CDH7: variants seen among roughly 807,000 people sequenced by gnomAD.
CDH7 encodes the protein cadherin 7.
In CDH7, 25 loss-of-function variants were observed where a neutral mutation model predicts 71.8. The ratio of observed to expected loss-of-function variants is 0.35; its 90% CI spans 0.25 to 0.49. CDH7 has a LOEUF of 0.49. Among genes scored for constraint, CDH7 ranks in the 20% least tolerant of loss-of-function variants. The probability of loss-of-function intolerance (pLI) is 0.99; values close to 1 mark genes in which losing one functional copy is unlikely to be tolerated. For missense variants in CDH7, 862 were observed against 974.6 expected, an observed-to-expected ratio of 0.88 and a Z score of 1.54; for synonymous variants, 381 against 363.8, an observed-to-expected ratio of 1.05 and a Z score of -0.54.
chr18:65,804,434 C>T (rs991906172), intron 2 of CDH7, among the ~76,000 whole-genome samples: 1 of 152,008 alleles, frequency 6.6e-6, no homozygotes, highest in Non-Finnish European at 1.5e-5. Context: ...TTGTTTTTAC[C>T]TTTATCTCTT....
chr18:65,849,411 TTTCTTTTC>T (rs1913064622), intron 7 of CDH7, among the ~76,000 whole-genome samples: 1 of 127,978 alleles, frequency 7.8e-6, no homozygotes, highest in South Asian at 2.3e-4. Flanking sequence ...TTTCTTTTCT[TTTCTTTTC>T]TTTTCTTTCT....
chr18:65,836,973 A>G (rs993053829), intron 6 of CDH7, among the ~76,000 whole-genome samples: 1 of 152,186 alleles, frequency 6.6e-6, no homozygotes, highest in Non-Finnish European at 1.5e-5. Context: ...TGCAGAGAAT[A>G]CACAGAGCTG....
chr18:65,752,497 G>T (rs1915911346), intron 1 of CDH7, among the ~76,000 whole-genome samples: 1 of 152,196 alleles, frequency 6.6e-6, no homozygotes, highest in African/African-American at 2.4e-5. Flanking sequence ...AACTCACCAA[G>T]AATTACTTCT....
chr18:65,797,595 C>G (rs1448420466), intron 2 of CDH7, among the ~76,000 whole-genome samples: 1 of 152,150 alleles, frequency 6.6e-6, no homozygotes, highest in Admixed American at 6.5e-5. Context: ...TTCTTTATAT[C>G]TGCTCTATTT....
intron 4 of CDH7, among the ~76,000 whole-genome samples, chr18:65,821,587 G>A (rs543158869): frequency 1.3e-5 from 2 of 152,254 alleles, no homozygotes; most frequent in South Asian, 2.1e-4. Flanking sequence ...TGTTGCAGAT[G>A]TATGTGTGTG....
Position 65,880,816 on chromosome 18 carries a change from C to T in CDH7, c.2280C>T (p.Asp760=). 1 of 1,614,106 alleles carries T rather than the reference C, an allele frequency of 6.2e-7. No homozygotes were observed. Among genetic ancestry groups the T allele is most frequent in the South Asian group, 1.1e-5 (1 of 91,078 alleles). Residue 760 remains aspartate, a synonymous_variant, in exon 12 of 12, where the codon GAC becomes GAT. Coordinates refer to ENST00000397968, the MANE Select transcript of CDH7 (RefSeq NM_004361.5). ...SISSNSDQNY[D]YLSDWGPRFK... Reference sequence around the variant, plus strand: ...GCTCAAACTCTGATCAGAACTATGACTACCTAAGTGACTGGGGACCTCGCT... The same window carrying T: ...GCTCAAACTCTGATCAGAACTATGATTACCTAAGTGACTGGGGACCTCGCT...
At chr18:65,840,476 C>A (rs759651370) in intron 6 of CDH7, among the ~76,000 whole-genome samples, 5 of 151,978 alleles carry the variant, frequency 3.3e-5, no homozygotes, top group Non-Finnish European at 7.4e-5. Context: ...TTGGCTGTGT[C>A]CCCACCCAAA....
chr18:65,864,125 A>G (rs1367957171), intron 11 of CDH7: 2 of 152,228 alleles, frequency 1.3e-5, no homozygotes, highest in African/African-American at 4.8e-5. Flanking sequence ...ATAGAACTTT[A>G]CACAGATGCA....
chr18:65,768,455 C>G (rs1232853595), intron 2 of CDH7, among the ~76,000 whole-genome samples: 3 of 152,054 alleles, frequency 2.0e-5, no homozygotes, highest in Non-Finnish European at 2.9e-5. Flanking sequence ...AGGCTGGTTT[C>G]GAACTCCTGA....
At chr18:65,805,128 CTAAAGGAGTTTA>C (rs1420365516) in intron 2 of CDH7, among the ~76,000 whole-genome samples, 2 of 151,914 alleles carry the variant, frequency 1.3e-5, no homozygotes, top group Non-Finnish European at 2.9e-5. Context: ...GAACTTAGTT[CTAAAGGAGTTTA>C]TAAATTAAAG....
At chr18:65,798,951 A>C (rs979829401) in intron 2 of CDH7, among the ~76,000 whole-genome samples, 1 of 152,048 alleles carries the variant, frequency 6.6e-6, no homozygotes, top group Admixed American at 6.6e-5. Context: ...CACTTGCTTC[A>C]TGTGGTAAGT....
intron 3 of CDH7, among the ~76,000 whole-genome samples, chr18:65,811,186 T>C (rs1390076130): frequency 7.8e-5 from 1 of 12,878 alleles, no homozygotes; most frequent in African/African-American, 1.0e-4. Flanking sequence ...ATGTGATTTA[T>C]TAAAAAAAAA....
In CDH7 at chr18:65,805,035, C is replaced by T. The variant is rs951435032; in HGVS notation, c.211-4669C>T. On this transcript the variant is annotated intron_variant, in intron 2 of 11. Transcript: ENST00000397968. ...GACAGAAATTGAAATAAAACAAATACTGCTGTTTTTCAAAGTGGATTATAA... is the reference window on the plus strand; with the variant it reads ...GACAGAAATTGAAATAAAACAAATATTGCTGTTTTTCAAAGTGGATTATAA... Among the ~76,000 whole-genome samples, 12 of 151,846 alleles carry T rather than the reference C, an allele frequency of 7.9e-5. No individual in the cohort carries two copies. The Middle Eastern group carries it at 0.01, about 130-fold the overall frequency.
chr18:65,881,220 G>A lies in CDH7; in HGVS notation c.*326G>A, dbSNP rs1914222426. 5.1e-6 allele frequency: 1 copy of A among 197,176 alleles called. No homozygotes were observed. The highest frequency in any genetic ancestry group is 2.3e-5 in the African/African-American group (1 of 42,674). The allele number at this position is 197,176 out of a possible 1,614,324, so 12.2% of individuals were successfully genotyped here. A position where few individuals can be genotyped will look rare whatever the true frequency, so the allele number is the denominator to read the frequency against. The stretch of plus-strand genomic sequence containing the variant: ...CACCAAACCTCTATGAGAAAGTAGT[G>A]CCCTGTGTTGTCAGTGAGTCAAAGA... On this transcript the variant is annotated 3_prime_UTR_variant, in exon 12 of 12. Coordinates refer to ENST00000397968, the MANE Select transcript of CDH7 (RefSeq NM_004361.5).
chr18:65,859,657 C>T (rs746301030), intron 9 of CDH7, 51 bp from the exon 10 acceptor site: 1 of 1,109,844 alleles, frequency 9.0e-7, no homozygotes, highest in Non-Finnish European at 1.4e-6. Flanking sequence ...CCACAGAAAA[C>T]TAAGCATAGC....
chr18:65,795,433 A>G (rs1249229104), intron 2 of CDH7, among the ~76,000 whole-genome samples: 1 of 152,192 alleles, frequency 6.6e-6, no homozygotes, highest in Admixed American at 6.5e-5. Flanking sequence ...GGTTTCTACC[A>G]GGAAATCATT....
At chr18:65,767,348 T>C (rs573491928) in intron 2 of CDH7, among the ~76,000 whole-genome samples, 25 of 152,294 alleles carry the variant, frequency 1.6e-4, no homozygotes, top group African/African-American at 5.3e-4. Context: ...GGAAGTTTCA[T>C]ATTGAAAATA....
chr18:65,844,581 C>A (rs972203865), intron 7 of CDH7, among the ~76,000 whole-genome samples: 3 of 151,638 alleles, frequency 2.0e-5, no homozygotes, highest in Non-Finnish European at 4.4e-5. Context: ...TTAAAAATAT[C>A]TTTTCAGTAG....
At chr18:65,783,627 G>A (rs913810422) in intron 2 of CDH7, among the ~76,000 whole-genome samples, 1 of 152,170 alleles carries the variant, frequency 6.6e-6, no homozygotes, top group African/African-American at 2.4e-5. Flanking sequence ...CGTAGAATTT[G>A]AGAGGACGTT....
Sources: allele counts gnomAD v4.1 joint callset (sites outside exome capture counted in the v4.1 genomes callset), GRCh38; gene constraint gnomAD v4.1.1; transcripts MANE v1.5; gene names NCBI Gene and HGNC (gene_info 2026-07-23, HGNC 2026-07-21).